Variants in C7 observed in about 807,000 individuals in gnomAD.
C7 encodes the protein complement C7, also known as complement component C7.
In C7, 83 loss-of-function variants were observed where a neutral mutation model predicts 104.8. That is an observed-to-expected ratio of 0.79 (90% CI 0.66 to 0.95). C7 has a LOEUF of 0.95. Ranked by LOEUF, C7 falls within the 40% of genes least tolerant of loss-of-function variation. The pLI is 0.00. For missense variants in C7, 1,070 were observed against 1,011.2 expected (o/e 1.06, Z -0.79); for synonymous variants, 415 against 360.6 (o/e 1.15, Z -1.71).
chr5:40,961,650 T>A (rs1394076921), intron 12 of C7, among the ~76,000 whole-genome samples: 1 of 152,166 alleles, frequency 6.6e-6, no homozygotes, highest in Non-Finnish European at 1.5e-5. Context: ...CCTCCCAAAG[T>A]GCTGGGATTA....
chr5:40,980,552 T>C (rs926889788), intron 17 of C7, among the ~76,000 whole-genome samples: 2 of 152,254 alleles, frequency 1.3e-5, no homozygotes, highest in Non-Finnish European at 2.9e-5. Context: ...GTACTTACAG[T>C]GATCTTGAAC....
intron 1 of C7, among the ~76,000 whole-genome samples, chr5:40,914,414 G>A (rs935305506): frequency 2.6e-5 from 4 of 152,156 alleles, no homozygotes; most frequent in African/African-American, 9.7e-5. Flanking sequence ...TCTGTAGGTT[G>A]TCTGTTCACG....
At chr5:40,960,375 G>T (rs1740398013) in intron 12 of C7, among the ~76,000 whole-genome samples, 1 of 152,078 alleles carries the variant, frequency 6.6e-6, no homozygotes, top group South Asian at 2.1e-4. Flanking sequence ...AGAAGCGTAG[G>T]GTGAATAAAG....
Position 40,966,766 on chromosome 5 carries a change from C to T in C7, c.1882+1893C>T, listed in dbSNP as rs186610142. Among the ~76,000 whole-genome samples, 53 of 152,226 alleles carry T rather than the reference C, an allele frequency of 3.5e-4. No homozygotes were observed. The Middle Eastern group carries it at 0.01, about 29-fold the overall frequency. On this transcript the variant is annotated intron_variant, in intron 14 of 17. Coordinates refer to ENST00000313164, the MANE Select transcript of C7 (RefSeq NM_000587.4). ...TTGCTGAGAATGCCATTAATTAATT[C>T]CTTTTTATGGCTGAGTAGTATTCTA...
intron 14 of C7, among the ~76,000 whole-genome samples, chr5:40,965,834 G>C (rs933443232): frequency 2.0e-5 from 3 of 151,468 alleles, no homozygotes; most frequent in Admixed American, 6.6e-5. Context: ...GTAGAGACAG[G>C]GTTTCACTAT....
rs541310738 is a variant in C7, at chr5:40,911,995, G to A, written c.6+2379G>A. Reference sequence around the variant, plus strand: ...GAACTCCTGACCTCATGATCCACCTGCCTTGGCCTCCCAAAGTGCTGGGAT... The same window carrying A: ...GAACTCCTGACCTCATGATCCACCTACCTTGGCCTCCCAAAGTGCTGGGAT... On this transcript the variant is annotated intron_variant, in intron 1 of 17. Transcript: ENST00000313164. Among the ~76,000 whole-genome samples, 1,122 of 150,390 alleles carry A rather than the reference G, an allele frequency of 7.5e-3. 18 individuals are homozygous for A. The highest frequency in any genetic ancestry group is 0.026 in the African/African-American group (1,074 of 40,882).
At chr5:40,909,974 A>ATTTTTTT (rs1259880340) in intron 1 of C7, among the ~76,000 whole-genome samples, 2 of 124,662 alleles carry the variant, frequency 1.6e-5, no homozygotes, top group African/African-American at 3.0e-5. Flanking sequence ...CCTCTGGTGT[A>ATTTTTTT]TTTTTTTTTT....
intron 12 of C7, among the ~76,000 whole-genome samples, chr5:40,960,364 T>C (rs931730326): frequency 2.6e-5 from 4 of 152,202 alleles, no homozygotes; most frequent in African/African-American, 9.7e-5. Flanking sequence ...GGGTATCTGG[T>C]AGAAGCGTAG....
At chr5:40,949,844 T>G in intron 8 of C7, 60 bp from the exon 9 acceptor site, 1 of 1,029,952 alleles carries the variant, frequency 9.7e-7, no homozygotes, top group Non-Finnish European at 1.5e-6. Flanking sequence ...TACTCTCATA[T>G]CTGAAGATCT....
intron 6 of C7, among the ~76,000 whole-genome samples, chr5:40,943,967 G>T (rs1384551237): frequency 1.3e-5 from 2 of 151,992 alleles, no homozygotes; most frequent in African/African-American, 4.8e-5. Flanking sequence ...GCATGATTGT[G>T]GTTAATAGCA....
intron 1 of C7, chr5:40,911,029 AC>A (rs1299325226): frequency 6.6e-6 from 1 of 152,208 alleles, no homozygotes. Flanking sequence ...CAAAATATCA[AC>A]AAATAAAGCA....
chr5:40,914,237 G>A (rs994753720), intron 1 of C7, among the ~76,000 whole-genome samples: 3 of 152,080 alleles, frequency 2.0e-5, no homozygotes, highest in African/African-American at 7.2e-5. Context: ...ATTTTCATAT[G>A]CTTGTGAGCC....
chr5:40,955,652 G>A (rs1204410128), intron 10 of C7, 99 bp downstream of exon 10: 1 of 1,017,956 alleles, frequency 9.8e-7, no homozygotes, highest in African/African-American at 1.6e-5. Context: ...AGACATGGCT[G>A]TAATTAGCAT....
chr5:40,982,438 CT>C lies in C7; in HGVS notation c.*866del, dbSNP rs1740971088. The C allele has an allele frequency of 6.6e-6, 1 of 152,312 alleles. No individual in the cohort carries two copies. Among genetic ancestry groups the C allele is most frequent in the Non-Finnish European group, 1.5e-5 (1 of 68,060 alleles). 9.4% of individuals were successfully genotyped at this position (152,312 alleles called of 1,614,324 possible). On this transcript the variant is annotated 3_prime_UTR_variant, in exon 18 of 18. Coordinates refer to ENST00000313164, the MANE Select transcript of C7 (RefSeq NM_000587.4). ...GGATTACAGACATGAACCACCACGCCTGGCTGGAATACTTACTCTTGTCGGG... is the reference window on the plus strand; with the variant it reads ...GGATTACAGACATGAACCACCACGCCGGCTGGAATACTTACTCTTGTCGGG...
At position 40,943,173 on chromosome 5, in the gene C7, A is replaced by G. The variant is rs6893953; in HGVS notation, c.568-2025A>G. Among the ~76,000 whole-genome samples the G allele has an allele frequency of 6.8e-3, 1,030 of 152,376 alleles. 9 individuals are homozygous for G. The highest frequency in any genetic ancestry group is 0.023 in the African/African-American group (970 of 41,600). On this transcript the variant is annotated intron_variant, in intron 6 of 17. Transcript: ENST00000313164. ...GAATGATTGAAGTCATGAGCCAAGA[A>G]GCCTAAGCTGAAACAGGAAGGAAGT...
intron 1 of C7, among the ~76,000 whole-genome samples, chr5:40,921,751 A>C (rs905457703): frequency 6.6e-6 from 1 of 152,124 alleles, no homozygotes; most frequent in African/African-American, 2.4e-5. Context: ...AAGAACATAC[A>C]TTGGGCTGGG....
At chr5:40,974,660 C>G (rs949039442) in intron 15 of C7, among the ~76,000 whole-genome samples, 2 of 152,222 alleles carry the variant, frequency 1.3e-5, no homozygotes, top group East Asian at 3.9e-4. Context: ...CCTCATGATC[C>G]GCCCGCCTCG....
chr5:40,958,054 G>C lies in C7; in HGVS notation c.1282G>C (p.Val428Leu). Residue 428 changes from valine to leucine, a missense_variant, in exon 11 of 18, where the codon GTA becomes CTA. Physicochemically the swap from Val to Leu is conservative, Grantham distance 32. Transcript: ENST00000313164. ...KQKLTPLYEL[V>L]KEVPCASVKK... Reference sequence around the variant, plus strand: ...ATAGCTGACACCTTTATATGAGCTGGTAAAGGAAGTACCTTGTGCCTCTGT... The same window carrying C: ...ATAGCTGACACCTTTATATGAGCTGCTAAAGGAAGTACCTTGTGCCTCTGT... The C allele has an allele frequency of 6.2e-7, 1 of 1,612,618 alleles. No homozygotes were observed. Among genetic ancestry groups the C allele is most frequent in the Admixed American group, 1.7e-5 (1 of 59,960 alleles).
chr5:40,981,666 CCTT>C lies in C7; in HGVS notation c.*99_*101del, dbSNP rs35249475. ...CACAACTGGGCACTGGACAGCTTTT[CCTT>C]CTTCTCCAGTGTCTACCTTCCTCCT... On this transcript the variant is annotated 3_prime_UTR_variant, in exon 18 of 18. Transcript: ENST00000313164. 222,234 of 1,007,322 alleles carry C rather than the reference CCTT, an allele frequency of 0.22. 27,824 individuals carry two copies. Among genetic ancestry groups the C allele is most frequent in the African/African-American group, 0.36 (22,171 of 60,886 alleles). 62.4% of individuals were successfully genotyped at this position (1,007,322 alleles called of 1,614,324 possible).
Sources: gnomAD v4.1 joint callset for allele counts (sites outside exome capture counted in the v4.1 genomes callset) on GRCh38, gnomAD v4.1.1 for gene constraint, MANE v1.5 for transcripts, NCBI Gene and HGNC (gene_info 2026-07-23, HGNC 2026-07-21) for gene names.